SHOC2: variants seen among roughly 807,000 people sequenced by gnomAD.
The protein encoded by SHOC2 is SHOC2 leucine rich repeat scaffold protein.
SHOC2 carries 4 observed loss-of-function variants against 50.2 expected under a neutral mutation model. That is an observed-to-expected ratio of 0.08 (90% CI 0.04 to 0.18). The LOEUF (loss-of-function observed/expected upper bound fraction) is 0.18, where lower values mean the gene tolerates loss of function less well. Among genes scored for constraint, SHOC2 ranks in the 10% least tolerant of loss-of-function variants. The pLI is 1.00. For missense variants in SHOC2, 388 were observed against 669.6 expected (o/e 0.58, Z 4.64); for synonymous variants, 218 against 244.5 (o/e 0.89, Z 1.01).
Position 110,919,827 on chromosome 10 carries a change from G to GCGC in SHOC2, c.-235+183_-235+185dup, listed in dbSNP as rs1420580329. Among the ~76,000 whole-genome samples the GCGC allele has an allele frequency of 3.3e-5, 5 of 151,110 alleles. No homozygotes were observed. The South Asian group carries it at 6.2e-4, about 19-fold the overall frequency. ...GCCCGAGGGGCCGGGGCCCTGGGAG[G>GCGC]CGCCGCCGCCGCCGCTTTCCTGGTT... On this transcript the variant is annotated intron_variant, in intron 1 of 8. Transcript: ENST00000369452.
intron 1 of SHOC2, among the ~76,000 whole-genome samples, chr10:110,924,157 A>G (rs1846709818): frequency 6.6e-6 from 1 of 152,178 alleles, no homozygotes; most frequent in African/African-American, 2.4e-5. Flanking sequence ...CACATTCACC[A>G]ATGTCATGGA....
chr10:110,921,376 TAAAC>T (rs1182899767), intron 1 of SHOC2, among the ~76,000 whole-genome samples: 2 of 152,150 alleles, frequency 1.3e-5, no homozygotes, highest in Admixed American at 1.3e-4. Context: ...TAGACAAAAA[TAAAC>T]ACAAAACTGA....
chr10:110,984,993 C>T (rs1228171549), intron 2 of SHOC2, among the ~76,000 whole-genome samples: 1 of 152,004 alleles, frequency 6.6e-6, no homozygotes, highest in African/African-American at 2.4e-5. Context: ...CTCCTAGATA[C>T]TATAGGCATG....
chr10:110,967,915 G>A (rs1227750056), intron 2 of SHOC2, among the ~76,000 whole-genome samples: 3 of 152,144 alleles, frequency 2.0e-5, no homozygotes, highest in Non-Finnish European at 1.5e-5. Flanking sequence ...ACTGTTATGA[G>A]TATAGTTTCT....
At position 110,919,626 on chromosome 10, in the gene SHOC2, CGAG is replaced by C. The variant is rs1299689932; in HGVS notation, c.-260_-258del. ...GAGGAAGAGGAGGAAGGAGGGCGAG[CGAG>C]GAGGATGGCGGAGTCGGGGCTCCTG... On this transcript the variant is annotated 5_prime_UTR_variant, in exon 1 of 9. In the 5' UTR this introduces an upstream ATG that the reference lacks. Coordinates refer to ENST00000369452, the MANE Select transcript of SHOC2 (RefSeq NM_007373.4). The C allele has an allele frequency of 7.5e-6, 3 of 398,386 alleles. No individual in the cohort carries two copies. Among genetic ancestry groups the C allele is most frequent in the East Asian group, 7.1e-5 (2 of 27,992 alleles). The allele number at this position is 398,386 out of a possible 1,614,324, so 24.7% of individuals were successfully genotyped here. A position where few individuals can be genotyped will look rare whatever the true frequency, so the allele number is the denominator to read the frequency against.
rs1057217316 is a variant in SHOC2, at chr10:110,964,245, C to G, written c.-114C>G. The G allele has an allele frequency of 9.4e-5, 141 of 1,497,808 alleles. 1 individual carries two copies. Among genetic ancestry groups the G allele is most frequent in the Non-Finnish European group, 1.1e-5 (12 of 1,121,024 alleles). The allele number at this position is 1,497,808 out of a possible 1,614,324, so 92.8% of individuals were successfully genotyped here. A position where few individuals can be genotyped will look rare whatever the true frequency, so the allele number is the denominator to read the frequency against. On this transcript the variant is annotated 5_prime_UTR_variant, in exon 2 of 9. An upstream open reading frame in the 5' UTR gains an earlier in-frame stop. Coordinates refer to ENST00000369452, the MANE Select transcript of SHOC2 (RefSeq NM_007373.4). This position sits in a 1 kb window ranked among gnomAD's most constrained non-coding sequence, Gnocchi z 4.9. Reference sequence around the variant, plus strand: ...GATGGATGTTACTCCATGCTGATTACTTCTTCAAGCCAGTACTTTTTTGAT... The same window carrying G: ...GATGGATGTTACTCCATGCTGATTAGTTCTTCAAGCCAGTACTTTTTTGAT...
chr10:111,006,223 T>C (rs1179775861), intron 5 of SHOC2, among the ~76,000 whole-genome samples: 1 of 152,248 alleles, frequency 6.6e-6, no homozygotes, highest in Non-Finnish European at 1.5e-5. Context: ...AGATAGGTAC[T>C]AAGCTTAAAT....
chr10:110,999,051 C>A (rs1848318991), intron 3 of SHOC2, among the ~76,000 whole-genome samples: 1 of 152,162 alleles, frequency 6.6e-6, no homozygotes, highest in African/African-American at 2.4e-5. Flanking sequence ...AAATGGACAT[C>A]AAGAGGTTGT....
chr10:110,986,064 T>G, intron 3 of SHOC2: 1 of 333,182 alleles, frequency 3.0e-6, no homozygotes, highest in South Asian at 3.2e-5. Context: ...TTCTGCTTAT[T>G]TCTGAGTTGC....
At chr10:111,008,740 A>G (rs532875404) in intron 6 of SHOC2, among the ~76,000 whole-genome samples, 3 of 152,236 alleles carry the variant, frequency 2.0e-5, no homozygotes, top group South Asian at 2.1e-4. Flanking sequence ...CTCCCAACCC[A>G]GTATTGTCTC....
At chr10:110,989,752 T>G (rs1848146592) in intron 3 of SHOC2, among the ~76,000 whole-genome samples, 1 of 152,232 alleles carries the variant, frequency 6.6e-6, no homozygotes, top group Non-Finnish European at 1.5e-5. Context: ...CATATTTTCC[T>G]AGTATACTCT....
At position 110,953,909 on chromosome 10, in the gene SHOC2, ACTTTTTAATATAT is replaced by A. The variant is rs1371402973; in HGVS notation, c.-234-10215_-234-10203del. 3.3e-5 allele frequency among the ~76,000 whole-genome samples: 5 copies of A among 150,998 alleles called. No homozygotes were observed. The East Asian group carries it at 9.6e-4, about 29-fold the overall frequency. ...AAATTTTTAATTATATATAATTATT[ACTTTTTAATATAT>A]TTAACCTAAGTGAAGTCATCTATCT... On this transcript the variant is annotated intron_variant, in intron 1 of 8. Transcript: ENST00000369452.
chr10:110,956,172 A>G (rs972573395), intron 1 of SHOC2, among the ~76,000 whole-genome samples: 1 of 151,082 alleles, frequency 6.6e-6, no homozygotes, highest in Non-Finnish European at 1.5e-5. Flanking sequence ...TGGATCCAAC[A>G]GGTTTTTTAC....
intron 1 of SHOC2, among the ~76,000 whole-genome samples, chr10:110,942,535 C>G (rs1218557002): frequency 6.6e-6 from 1 of 152,196 alleles, no homozygotes; most frequent in East Asian, 1.9e-4. Flanking sequence ...AATTAACAGG[C>G]TCATTTCCTT....
intron 2 of SHOC2, among the ~76,000 whole-genome samples, chr10:110,984,739 G>A (rs1302733131): frequency 6.6e-6 from 1 of 152,132 alleles, no homozygotes; most frequent in East Asian, 1.9e-4. Flanking sequence ...AACCAGAATG[G>A]AAAGGGAGAA....
At chr10:110,936,554 G>A in intron 1 of SHOC2, 2 of 652,288 alleles carry the variant, frequency 3.1e-6, no homozygotes, top group South Asian at 3.5e-5. Context: ...GTCTGCATCA[G>A]CTTTTCTTAG....
At chr10:110,943,975 A>G (rs754196316) in intron 1 of SHOC2, among the ~76,000 whole-genome samples, 22 of 152,046 alleles carry the variant, frequency 1.4e-4, no homozygotes, top group Admixed American at 1.4e-3. Context: ...TTTTGCCCCA[A>G]CTTTGCCCCA....
At chr10:110,924,350 C>T (rs1031652666) in intron 1 of SHOC2, among the ~76,000 whole-genome samples, 1 of 152,194 alleles carries the variant, frequency 6.6e-6, no homozygotes, top group African/African-American at 2.4e-5. Flanking sequence ...AGTTAAGACT[C>T]ACACTGCACG....
chr10:110,980,944 C>T (rs1847964804), intron 2 of SHOC2, among the ~76,000 whole-genome samples: 1 of 152,186 alleles, frequency 6.6e-6, no homozygotes, highest in Admixed American at 6.5e-5. Flanking sequence ...GTGTAAGTTT[C>T]ATGTGGATGG....
Sources: gnomAD v4.1 joint callset for allele counts (sites outside exome capture counted in the v4.1 genomes callset) on GRCh38, gnomAD v4.1.1 for gene constraint, Gnocchi (gnomAD v3.1) non-coding constraint, MANE v1.5 for transcripts, NCBI Gene and HGNC (gene_info 2026-07-23, HGNC 2026-07-21) for gene names.